Variants in TMEM87A observed in about 807,000 individuals in gnomAD.
The protein encoded by TMEM87A is Golgi-pH regulating cation channel.
TMEM87A carries 50 observed loss-of-function variants against 90.0 expected under a neutral mutation model. The ratio of observed to expected loss-of-function variants is 0.56; its 90% CI spans 0.44 to 0.70. TMEM87A has a LOEUF of 0.70. Ranked by LOEUF, TMEM87A falls within the 30% of genes least tolerant of loss-of-function variation. The pLI, the probability that TMEM87A is intolerant of heterozygous loss-of-function variation, is 0.00. For synonymous variants in TMEM87A, 226 were observed against 226.7 expected, an observed-to-expected ratio of 1.00 and a Z score of 0.03; for missense variants, 577 against 660.5, an observed-to-expected ratio of 0.87 and a Z score of 1.39.
chr15:42,242,078 GAAAAAAAAAA>G (rs900485332), intron 7 of TMEM87A, among the ~76,000 whole-genome samples: 2 of 111,196 alleles, frequency 1.8e-5, no homozygotes. Flanking sequence ...AAAAAAAAAA[GAAAAAAAAAA>G]AGAAAAAGAA....
intron 3 of TMEM87A, among the ~76,000 whole-genome samples, chr15:42,265,986 G>C (rs1209917851): frequency 6.6e-6 from 1 of 152,152 alleles, no homozygotes; most frequent in Non-Finnish European, 1.5e-5. Flanking sequence ...CCCATTGCTT[G>C]TTTTTTGTCA....
chr15:42,272,017 A>C (rs759625569), intron 2 of TMEM87A, 46 bp downstream of exon 2: 5 of 1,479,564 alleles, frequency 3.4e-6, no homozygotes, highest in Admixed American at 2.0e-5. Flanking sequence ...ATTACCTATA[A>C]ATTTTTAAAA....
intron 6 of TMEM87A, among the ~76,000 whole-genome samples, chr15:42,248,787 T>C (rs1018994141): frequency 1.3e-5 from 2 of 152,242 alleles, no homozygotes; most frequent in Non-Finnish European, 2.9e-5. Context: ...ATCAGGATGA[T>C]GCTGGCCTCA....
chr15:42,244,416 T>G (rs928832527), intron 6 of TMEM87A, among the ~76,000 whole-genome samples: 1 of 152,052 alleles, frequency 6.6e-6, no homozygotes, highest in African/African-American at 2.4e-5. Flanking sequence ...ATTTTTTTAA[T>G]GAGGAAACCC....
At chr15:42,228,903 G>A (rs190090024) in intron 12 of TMEM87A, 83 bp from the exon 13 acceptor site, 2 of 966,936 alleles carry the variant, frequency 2.1e-6, no homozygotes, top group Admixed American at 5.1e-5. Context: ...AAGGATCTGG[G>A]GTCATGCCAA....
chr15:42,224,950 G>GA (rs1431021339), intron 15 of TMEM87A, among the ~76,000 whole-genome samples: 2 of 152,112 alleles, frequency 1.3e-5, no homozygotes, highest in Admixed American at 6.5e-5. Context: ...CTGAGGAAGG[G>GA]AAAATATTTA....
chr15:42,254,913 C>T (rs893761454), intron 6 of TMEM87A, among the ~76,000 whole-genome samples: 5 of 151,116 alleles, frequency 3.3e-5, no homozygotes, highest in South Asian at 2.1e-4. Flanking sequence ...AGTATGTTGA[C>T]GATGGGGGAG....
At chr15:42,252,839 C>T (rs73409577) in intron 6 of TMEM87A, among the ~76,000 whole-genome samples, 10,119 of 152,134 alleles carry the variant, frequency 0.067, 733 homozygotes, top group Admixed American at 0.17. Context: ...ATATGCCATA[C>T]GTTGTTTCTG....
chr15:42,243,181 T>C (rs2050903812), intron 7 of TMEM87A, among the ~76,000 whole-genome samples: 1 of 152,054 alleles, frequency 6.6e-6, no homozygotes, highest in African/African-American at 2.4e-5. Flanking sequence ...GGCAGGAGAA[T>C]GGCGTGAACC....
Position 42,227,717 on chromosome 15 carries a change from A to G in TMEM87A, c.1293T>C (p.Cys431=). 1 of 1,613,840 alleles carries G rather than the reference A, an allele frequency of 6.2e-7. No individual in the cohort carries two copies. Among genetic ancestry groups the G allele is most frequent in the Non-Finnish European group, 8.5e-7 (1 of 1,179,792 alleles). Residue 431 remains cysteine, a synonymous_variant, in exon 14 of 20, where the codon TGT becomes TGC. Transcript: ENST00000389834. ...WTTMKFRIVT[C]QSDWRELWVD... ...AAATGTGCTTATAACTCACCGACTG[A>G]CATGTCACTATTCTGAACTTCATGG...
Position 42,211,392 on chromosome 15 carries a change from TA to T in TMEM87A, c.*315del. On this transcript the variant is annotated 3_prime_UTR_variant, in exon 20 of 20. Transcript: ENST00000389834. ...GTTAAACTTTTTAGTTTGTCAGATT[TA>T]AAAAATGAAACATTACAGAAAGTTC... The T allele has an allele frequency of 4.2e-6, 1 of 238,928 alleles. No homozygotes were observed. The highest frequency in any genetic ancestry group is 8.1e-6 in the Non-Finnish European group (1 of 123,504). The allele number at this position is 238,928 out of a possible 1,614,324, so 14.8% of individuals were successfully genotyped here. A position where few individuals can be genotyped will look rare whatever the true frequency, so the allele number is the denominator to read the frequency against.
chr15:42,248,523 G>A (rs148670568), intron 6 of TMEM87A, among the ~76,000 whole-genome samples: 5 of 152,120 alleles, frequency 3.3e-5, no homozygotes, highest in African/African-American at 7.2e-5. Context: ...AGGCCTTTTT[G>A]GCATCTATTG....
At position 42,244,053 on chromosome 15, in the gene TMEM87A, T is replaced by C; in HGVS notation, c.619A>G (p.Thr207Ala). 2 of 1,548,778 alleles carry C rather than the reference T, an allele frequency of 1.3e-6. No individual in the cohort carries two copies. Among genetic ancestry groups the C allele is most frequent in the Non-Finnish European group, 1.7e-6 (2 of 1,151,814 alleles). The change falls in exon 7 of 20, where the codon ACC (threonine) becomes GCC (alanine). Residue 207 changes from threonine (T) to alanine (A), a missense_variant. Thr to Ala is a moderately conservative substitution (Grantham distance 58). Coordinates refer to ENST00000389834, the MANE Select transcript of TMEM87A (RefSeq NM_015497.5). ...TTAAAAAAAAAACTGAACTTACTGG[T>C]AAAAAGATTACTCAGTGAATTTTCT... ...SKENSLSNLF[T>A]MTVEVKGPYE...
chr15:42,263,079 A>T (rs1344928648), intron 4 of TMEM87A, among the ~76,000 whole-genome samples: 2 of 152,232 alleles, frequency 1.3e-5, no homozygotes, highest in African/African-American at 4.8e-5. Flanking sequence ...AGTAAATTTT[A>T]AAAACCCTGA....
intron 2 of TMEM87A, among the ~76,000 whole-genome samples, chr15:42,271,002 G>GCA (rs1470274673): frequency 2.6e-5 from 4 of 152,156 alleles, no homozygotes; most frequent in African/African-American, 9.7e-5. Context: ...TTAAAATTTT[G>GCA]CACTTCCGTG....
At chr15:42,240,816 G>A (rs992556500) in intron 7 of TMEM87A, among the ~76,000 whole-genome samples, 1 of 152,056 alleles carries the variant, frequency 6.6e-6, no homozygotes, top group Non-Finnish European at 1.5e-5. Context: ...GAAAAAAAGA[G>A]CATTCCATAA....
chr15:42,252,138 C>T (rs186160998), intron 6 of TMEM87A, among the ~76,000 whole-genome samples: 5 of 152,304 alleles, frequency 3.3e-5, no homozygotes. Context: ...CCCAGTTTTC[C>T]CAGTACAGTC....
chr15:42,259,052 A>T (rs1478071374), intron 6 of TMEM87A: 1 of 711,386 alleles, frequency 1.4e-6, no homozygotes, highest in East Asian at 2.7e-5. Flanking sequence ...CTCTCTCCCA[A>T]GCTCCTTAAA....
At position 42,236,352 on chromosome 15, in the gene TMEM87A, G is replaced by C; in HGVS notation, c.936C>G (p.Val312=). ...TGCCATATCCCAGACTGACTATGAT[G>C]ACCAGGGTTCGAGCCAGTGAGCGTT... is the stretch of plus-strand genomic sequence containing the variant. ...AVKRSLARTL[V]IIVSLGYGIV... Residue 312 remains valine (V), a synonymous_variant, in exon 10 of 20, where the codon GTC becomes GTG. Transcript: ENST00000389834. The C allele has an allele frequency of 6.2e-7, 1 of 1,614,108 alleles. No homozygotes were observed.
Sources: allele counts gnomAD v4.1 joint callset (sites outside exome capture counted in the v4.1 genomes callset), GRCh38; gene constraint gnomAD v4.1.1; transcripts MANE v1.5; gene names NCBI Gene and HGNC (gene_info 2026-07-23, HGNC 2026-07-21).